The following ADGRE5 variants were observed in gnomAD, a reference collection of about 807,000 sequenced individuals.
ADGRE5 encodes adhesion G protein-coupled receptor E5.
A neutral mutation model predicts 100.3 loss-of-function variants in ADGRE5; 72 were observed. The ratio of observed to expected loss-of-function variants is 0.72; its 90% CI spans 0.59 to 0.87. The LOEUF (loss-of-function observed/expected upper bound fraction) is 0.87. ADGRE5 is among the 40% of genes least tolerant of loss of function. ADGRE5 has a pLI of 0.00. For missense variants in ADGRE5, 959 were observed against 1,094.7 expected, an observed-to-expected ratio of 0.88 and a Z score of 1.75; for synonymous variants, 439 against 447.8, an observed-to-expected ratio of 0.98 and a Z score of 0.25.
rs1976195604 is a variant in ADGRE5 at position 14,405,672 on chromosome 19, G to A, written c.1630-76G>A. The A allele has an allele frequency of 2.7e-6, 3 of 1,100,138 alleles. No individual in the cohort carries two copies. In the East Asian group the frequency reaches 7.2e-5, roughly 26 times the overall value. The allele number at this position is 1,100,138 out of a possible 1,614,324, so 68.1% of individuals were successfully genotyped here. ...AGAGGTGGGCCCGTCAAAGTGTGGGGGGGAAAAGGGACCACAAAGAGGGCA... is the reference window on the plus strand; with the variant it reads ...AGAGGTGGGCCCGTCAAAGTGTGGGAGGGAAAAGGGACCACAAAGAGGGCA... On this transcript the variant is annotated intron_variant, in intron 13 of 19. Transcript: ENST00000242786.
At chr19:14,393,187 C>A (rs771743707) in intron 4 of ADGRE5, among the ~76,000 whole-genome samples, 1 of 141,384 alleles carries the variant, frequency 7.1e-6, no homozygotes, top group African/African-American at 2.7e-5. Context: ...GGCAACAGAG[C>A]GAGACTCCAT....
In ADGRE5 at chr19:14,407,242, G is replaced by C. The variant is rs755432925; in HGVS notation, c.2376+13G>C. 1.9e-6 allele frequency: 3 copies of C among 1,613,234 alleles called. No homozygotes were observed. The African/African-American group carries it at 4.0e-5, about 22-fold the overall frequency. ...GCTCAACAAGAAGGTGGGGGCCTGG[G>C]CACAGTGGCGCACGCCTGTCATCCT... is the stretch of plus-strand genomic sequence containing the variant. On this transcript the variant is annotated intron_variant, in intron 18 of 19. Coordinates refer to ENST00000242786, the MANE Select transcript of ADGRE5 (RefSeq NM_078481.4).
At chr19:14,389,354 AG>A (rs1975507558) in intron 3 of ADGRE5, among the ~76,000 whole-genome samples, 4 of 24,250 alleles carry the variant, frequency 1.6e-4, no homozygotes, top group Non-Finnish European at 1.4e-4. Flanking sequence ...GGGGAAGGGG[AG>A]GGGGATGAGG....
intron 1 of ADGRE5, among the ~76,000 whole-genome samples, 167 bp downstream of exon 1, chr19:14,381,712 C>T (rs904560060): frequency 1.3e-5 from 2 of 152,142 alleles, no homozygotes; most frequent in Non-Finnish European, 2.9e-5. Context: ...GCTGGTGGTG[C>T]TTGGGCACCC....
rs768840803 is a variant in ADGRE5, at chr19:14,407,193, C to T, written c.2340C>T (p.Ala780=). Residue 780 remains alanine, a synonymous_variant, in exon 18 of 20, where the codon GCC becomes GCT. Transcript: ENST00000242786. ...VFTILNCLQG[A]FLYLLHCLLN... ...CCATCCTCAACTGCCTGCAGGGCGC[C>T]TTCCTCTACCTGCTGCACTGCCTGC... 5.0e-6 allele frequency: 8 copies of T among 1,614,118 alleles called. No individual in the cohort carries two copies. The highest frequency in any genetic ancestry group is 4.2e-6 in the Non-Finnish European group (5 of 1,180,034).
intron 4 of ADGRE5, 176 bp from the exon 5 acceptor site, chr19:14,396,165 TG>T: frequency 8.6e-7 from 1 of 1,158,866 alleles, no homozygotes; most frequent in Non-Finnish European, 1.2e-6. Context: ...CAGCCACATC[TG>T]GACAACAGAA....
At position 14,406,916 on chromosome 19, in the gene ADGRE5, G is replaced by A. The variant is rs61735280; in HGVS notation, c.2163G>A (p.Lys721=). The change falls in exon 17 of 20, where the codon AAG becomes AAA. Residue 721 remains lysine (K), a synonymous_variant. Coordinates refer to ENST00000242786, the MANE Select transcript of ADGRE5 (RefSeq NM_078481.4). The surrounding 1 kb of genome is among the most constrained non-coding windows in gnomAD (Gnocchi z 6.0). ...CTACCGTCTGGAAGCTCACTCAGAA[G>A]TTTTCTGAAATCAATCCAGACATGA... is the stretch of plus-strand genomic sequence containing the variant. ...FVTTVWKLTQ[K]FSEINPDMKK... 3.1e-3 allele frequency: 4,951 copies of A among 1,614,176 alleles called. 130 individuals carry two copies. In the African/African-American group the frequency reaches 0.055, roughly 18 times the overall value.
intron 1 of ADGRE5, among the ~76,000 whole-genome samples, chr19:14,383,227 G>A (rs1439716137): frequency 1.3e-5 from 2 of 148,840 alleles, no homozygotes; most frequent in African/African-American, 2.5e-5. Context: ...TAATAAGGCC[G>A]GGTGCAGTGG....
intron 4 of ADGRE5, among the ~76,000 whole-genome samples, chr19:14,394,425 C>A (rs957872718): frequency 6.6e-6 from 1 of 152,120 alleles, no homozygotes; most frequent in African/African-American, 2.4e-5. Context: ...ACTCCTCACC[C>A]CCCTGTCTCC....
rs114600225 is a variant in ADGRE5, at chr19:14,393,765, A to C, written c.347-2577A>C. ...TGGGACGTACACCTGCGTGGAGCCC[A>C]GAAGGAGGCTTCTGTCCGCCACACT... On this transcript the variant is annotated intron_variant, in intron 4 of 19. Transcript: ENST00000242786. Among the ~76,000 whole-genome samples, 661 of 152,298 alleles carry C rather than the reference A, an allele frequency of 4.3e-3. 4 individuals are homozygous for C. The highest frequency in any genetic ancestry group is 0.015 in the African/African-American group (611 of 41,552).
chr19:14,399,772 T>C (rs1975939425), intron 9 of ADGRE5, among the ~76,000 whole-genome samples: 1 of 151,884 alleles, frequency 6.6e-6, no homozygotes, highest in African/African-American at 2.4e-5. Flanking sequence ...TTCCCATATG[T>C]TTTTAGCACA....
In ADGRE5 at chr19:14,408,719, C is replaced by A. The variant is rs1008940730; in HGVS notation, c.*598C>A. 1.1e-5 allele frequency: 7 copies of A among 633,564 alleles called. No homozygotes were observed. The highest frequency in any genetic ancestry group is 1.8e-5 in the African/African-American group (1 of 54,588). 39.2% of individuals were successfully genotyped at this position (633,564 alleles called of 1,614,324 possible). A position where few individuals can be genotyped will look rare whatever the true frequency, so the allele number is the denominator to read the frequency against. ...ACACTTAAAATTAAACACATGCATA[C>A]AGAAGATGGCCTTGCCTGCTGGTGG... On this transcript the variant is annotated 3_prime_UTR_variant, in exon 20 of 20. Transcript: ENST00000242786.
At chr19:14,386,044 T>A (rs1975337360) in intron 1 of ADGRE5, among the ~76,000 whole-genome samples, 1 of 151,470 alleles carries the variant, frequency 6.6e-6, no homozygotes, top group African/African-American at 2.4e-5. Flanking sequence ...GTGCTGGGAT[T>A]ACAGGCATGA....
rs1207756047 is a variant in ADGRE5, at chr19:14,406,243, C to T, written c.1822-88C>T. On this transcript the variant is annotated intron_variant, in intron 14 of 19. Coordinates refer to ENST00000242786, the MANE Select transcript of ADGRE5 (RefSeq NM_078481.4). The surrounding 1 kb of genome is among the most constrained non-coding windows in gnomAD (Gnocchi z 6.0). ...CACCCTCCGGCTGTGGTCCCGCCCA[C>T]TCTCGGGACCTGGCAGGCGACTGGC... 1 of 1,089,010 alleles carries T rather than the reference C, an allele frequency of 9.2e-7. No individual in the cohort carries two copies. The highest frequency in any genetic ancestry group is 1.6e-5 in the African/African-American group (1 of 63,636). 67.5% of individuals were successfully genotyped at this position (1,089,010 alleles called of 1,614,324 possible).
intron 13 of ADGRE5, chr19:14,405,503 G>A (rs2146375621): frequency 8.3e-6 from 4 of 481,006 alleles, no homozygotes; most frequent in South Asian, 6.8e-5. Context: ...GGGCCTTGTC[G>A]AAAACTGCAA....
At chr19:14,390,883 C>G (rs1429562065) in intron 3 of ADGRE5, 41 bp from the exon 4 acceptor site, 1 of 1,605,348 alleles carries the variant, frequency 6.2e-7, no homozygotes, top group East Asian at 2.2e-5. Flanking sequence ...TGACAGAACT[C>G]ACATCTTTGG....
chr19:14,407,990 C>T lies in ADGRE5; in HGVS notation c.2459C>T (p.Thr820Ile). The T allele has an allele frequency of 1.2e-6, 2 of 1,614,174 alleles. No homozygotes were observed. The highest frequency in any genetic ancestry group is 1.7e-6 in the Non-Finnish European group (2 of 1,180,022). ...YSEFTSTTSG[T>I]GHNQTRALRA... ...GAATTCACCTCCACCACGTCTGGCA[C>T]TGGCCACAATCAGACCCGGGTAAGG... The change falls in exon 19 of 20, where the codon ACT (threonine) becomes ATT (isoleucine). Residue 820 changes from threonine (T) to isoleucine (I), a missense_variant. This residue lies in a region of ADGRE5 where 428 missense variants were observed against 386.2 expected (regional missense o/e 1.11). Transcript: ENST00000242786.
chr19:14,402,779 A>G lies in ADGRE5; in HGVS notation c.1366A>G (p.Lys456Glu). ...NSIFLSHNNTKELNSPILFAF... is the reference protein window; with the variant it reads ...NSIFLSHNNTEELNSPILFAF... The stretch of plus-strand genomic sequence containing the variant: ...CATCTTTCTGAGCCACAACAACACC[A>G]AGGAACTCAACTCCCCCATCCTTTT... Residue 456 changes from lysine to glutamate, a missense_variant, in exon 12 of 20, where the codon AAG (lysine) becomes GAG (glutamate). Lys to Glu is a moderately conservative substitution (Grantham distance 56). Around this residue, in one of 6 missense-constraint regions of ADGRE5, gnomAD observed 246 missense variants for 242.2 expected, o/e 1.02. Transcript: ENST00000242786. The G allele has an allele frequency of 6.2e-7, 1 of 1,614,072 alleles. No homozygotes were observed. The highest frequency in any genetic ancestry group is 1.1e-5 in the South Asian group (1 of 91,076).
intron 4 of ADGRE5, among the ~76,000 whole-genome samples, chr19:14,391,737 T>C (rs1043713984): frequency 6.8e-6 from 1 of 147,732 alleles, no homozygotes; most frequent in African/African-American, 2.5e-5. Context: ...ATCCTGTCTC[T>C]AAAAAAGAAA....
Sources: gnomAD v4.1 joint callset for allele counts (sites outside exome capture counted in the v4.1 genomes callset) on GRCh38, gnomAD v4.1.1 for gene constraint, gnomAD v4.1.1 regional missense constraint, Gnocchi (gnomAD v3.1) non-coding constraint, MANE v1.5 for transcripts, NCBI Gene and HGNC (gene_info 2026-07-23, HGNC 2026-07-21) for gene names.